CHST1: variants seen among roughly 807,000 people sequenced by gnomAD.
CHST1 encodes Keratan sulfotransferase.
In CHST1, 10 loss-of-function variants were observed where a neutral mutation model predicts 22.5. The observed-to-expected ratio is 0.44, with a 90% confidence interval of 0.27 to 0.75. The LOEUF (loss-of-function observed/expected upper bound fraction) is 0.75, where lower values mean the gene tolerates loss of function less well. Ranked by LOEUF, CHST1 falls within the 30% of genes least tolerant of loss-of-function variation. CHST1 has a pLI of 0.15. For missense variants in CHST1, 439 were observed against 576.1 expected (o/e 0.76, Z 2.44); for synonymous variants, 267 against 264.5 (o/e 1.01, Z -0.09).
In CHST1 at chr11:45,650,351, G is replaced by A. The variant is rs139471113; in HGVS notation, c.573C>T (p.Thr191=). The A allele has an allele frequency of 1.4e-4, 219 of 1,603,264 alleles. No individual in the cohort carries two copies. Among genetic ancestry groups the A allele is most frequent in the Non-Finnish European group, 1.7e-4 (203 of 1,179,726 alleles). The part of the protein sequence containing the change: ...CVRKCGLLNL[T]VAAEACRERS... Reference sequence around the variant, plus strand: ...GCTCGCGGCACGCCTCGGCCGCCACGGTCAGGTTGAGTAGCCCGCACTTGC... The same window carrying A: ...GCTCGCGGCACGCCTCGGCCGCCACAGTCAGGTTGAGTAGCCCGCACTTGC... The change falls in exon 4 of 4, where the codon ACC becomes ACT. Residue 191 remains threonine, a synonymous_variant. Coordinates refer to ENST00000308064, the MANE Select transcript of CHST1 (RefSeq NM_003654.6).
chr11:45,649,493 C>T lies in CHST1; in HGVS notation c.*195G>A. 1.7e-6 allele frequency: 1 copy of T among 603,860 alleles called. No homozygotes were observed. The highest frequency in any genetic ancestry group is 2.3e-5 in the South Asian group (1 of 42,904). The allele number at this position is 603,860 out of a possible 1,614,324, so 37.4% of individuals were successfully genotyped here. ...GACCCTACTTCAGGCGCCCTCTGCCCCAGTGATTCCCGTCCAAGACGTAGT... is the reference window on the plus strand; with the variant it reads ...GACCCTACTTCAGGCGCCCTCTGCCTCAGTGATTCCCGTCCAAGACGTAGT... On this transcript the variant is annotated 3_prime_UTR_variant, in exon 4 of 4. Transcript: ENST00000308064.
chr11:45,650,628 G>C lies in CHST1; in HGVS notation c.296C>G (p.Thr99Arg). The C allele has an allele frequency of 6.2e-7, 1 of 1,614,112 alleles. No individual in the cohort carries two copies. ...GCCCTGGGTGAAGCGGGGGATGAGCGTGTTCTGGACGTGGTAGAGGGGCTC... is the reference window on the plus strand; with the variant it reads ...GCCCTGGGTGAAGCGGGGGATGAGCCTGTTCTGGACGTGGTAGAGGGGCTC... Reference protein sequence around the residue: ...LFEPLYHVQNTLIPRFTQGKS... With the variant: ...LFEPLYHVQNRLIPRFTQGKS... The change falls in exon 4 of 4, where the codon ACG becomes AGG. Residue 99 changes from threonine (T) to arginine (R), a missense_variant. Thr to Arg is a moderately conservative substitution (Grantham distance 71). Transcript: ENST00000308064.
intron 3 of CHST1, chr11:45,651,296 C>T (rs937896773): frequency 5.6e-6 from 1 of 178,960 alleles, no homozygotes; most frequent in Non-Finnish European, 1.2e-5. Flanking sequence ...GAGGAAATGA[C>T]GAGGGCCTGC....
chr11:45,662,381 A>T (rs1334094332), intron 1 of CHST1, among the ~76,000 whole-genome samples: 2 of 152,070 alleles, frequency 1.3e-5, no homozygotes, highest in Non-Finnish European at 2.9e-5. Context: ...TCTGAACAAA[A>T]CCCAGGGCTG....
intron 1 of CHST1, among the ~76,000 whole-genome samples, chr11:45,654,461 TC>T (rs1852036219): frequency 6.6e-6 from 1 of 152,212 alleles, no homozygotes; most frequent in Admixed American, 6.5e-5. Flanking sequence ...CCTGGAAATG[TC>T]CCCGCTCTCC....
chr11:45,649,543 G>A lies in CHST1; in HGVS notation c.*145C>T, dbSNP rs1436309030. 1.4e-5 allele frequency: 12 copies of A among 858,672 alleles called. No homozygotes were observed. The highest frequency in any genetic ancestry group is 2.2e-5 in the Non-Finnish European group (12 of 557,960). The allele number at this position is 858,672 out of a possible 1,614,324, so 53.2% of individuals were successfully genotyped here. ...TGCAAATTTCAGAGACAAAAAAGGG[G>A]CAGAAGGGAGTGGGGTGAGCTGGGG... is the stretch of plus-strand genomic sequence containing the variant. On this transcript the variant is annotated 3_prime_UTR_variant, in exon 4 of 4. Transcript: ENST00000308064.
chr11:45,651,117 T>C, intron 3 of CHST1, 152 bp from the exon 4 acceptor site: 1 of 483,816 alleles, frequency 2.1e-6, no homozygotes, highest in Non-Finnish European at 3.5e-6. Flanking sequence ...GCTTCTACAC[T>C]AGACTACCGT....
chr11:45,664,858 G>A (rs571355289), intron 1 of CHST1, among the ~76,000 whole-genome samples: 51 of 152,308 alleles, frequency 3.3e-4, no homozygotes, highest in African/African-American at 1.1e-3. Flanking sequence ...CGGTGAGCCC[G>A]GAGCAGCCCC....
Position 45,650,645 on chromosome 11 carries a change from G to A in CHST1, c.279C>T (p.Leu93=). Residue 93 remains leucine (L), a synonymous_variant, in exon 4 of 4, where the codon CTC becomes CTT. Coordinates refer to ENST00000308064, the MANE Select transcript of CHST1 (RefSeq NM_003654.6). ...GGATGAGCGTGTTCTGGACGTGGTA[G>A]AGGGGCTCAAACAGGTAGAAGACGT... ...HLDVFYLFEP[L]YHVQNTLIPR... 2 of 1,614,174 alleles carry A rather than the reference G, an allele frequency of 1.2e-6. No individual in the cohort carries two copies. Among genetic ancestry groups the A allele is most frequent in the Non-Finnish European group, 1.7e-6 (2 of 1,180,008 alleles).
chr11:45,656,936 G>C (rs1373398503), intron 1 of CHST1, among the ~76,000 whole-genome samples: 2 of 152,170 alleles, frequency 1.3e-5, no homozygotes, highest in Admixed American at 1.3e-4. Flanking sequence ...TGAGCCCTGG[G>C]ATGGGGAAAT....
At chr11:45,655,275 A>C (rs898847021) in intron 1 of CHST1, among the ~76,000 whole-genome samples, 1 of 152,186 alleles carries the variant, frequency 6.6e-6, no homozygotes, top group African/African-American at 2.4e-5. Context: ...ATCATCACCA[A>C]ATGTCTGGTT....
intron 1 of CHST1, among the ~76,000 whole-genome samples, chr11:45,654,464 C>T (rs1852036248): frequency 6.6e-6 from 1 of 152,234 alleles, no homozygotes; most frequent in Non-Finnish European, 1.5e-5. Context: ...GGAAATGTCC[C>T]CGCTCTCCCA....
intron 1 of CHST1, among the ~76,000 whole-genome samples, chr11:45,654,078 C>T (rs1286822755): frequency 6.6e-6 from 1 of 152,186 alleles, no homozygotes; most frequent in Non-Finnish European, 1.5e-5. Context: ...GAAACAGAAT[C>T]CTTAAGGAGT....
intron 1 of CHST1, among the ~76,000 whole-genome samples, chr11:45,654,112 A>G (rs371855719): frequency 2.0e-5 from 3 of 152,204 alleles, no homozygotes; most frequent in African/African-American, 7.2e-5. Flanking sequence ...TGGGGTTCCA[A>G]TTCCAAAAGC....
intron 1 of CHST1, among the ~76,000 whole-genome samples, chr11:45,657,089 C>T (rs1852071878): frequency 1.3e-5 from 2 of 151,022 alleles, no homozygotes; most frequent in African/African-American, 5.0e-5. Context: ...GGTCCCAAGG[C>T]TCTGGGGTCC....
intron 1 of CHST1, among the ~76,000 whole-genome samples, chr11:45,654,561 G>T (rs1852037075): frequency 6.6e-6 from 1 of 152,222 alleles, no homozygotes; most frequent in African/African-American, 2.4e-5. Context: ...CTGGGGCCAG[G>T]TCCTGTTGTT....
chr11:45,649,586 A>T lies in CHST1; in HGVS notation c.*102T>A. 8.2e-7 allele frequency: 1 copy of T among 1,218,318 alleles called. No homozygotes were observed. The highest frequency in any genetic ancestry group is 1.1e-6 in the Non-Finnish European group (1 of 878,140). The allele number at this position is 1,218,318 out of a possible 1,614,324, so 75.5% of individuals were successfully genotyped here. On this transcript the variant is annotated 3_prime_UTR_variant, in exon 4 of 4. Transcript: ENST00000308064. ...AGCTGGGGGCAGGAAGGACACGAAGATGAGGTGGGAGAGGGAGGGGTTAAT... is the reference window on the plus strand; with the variant it reads ...AGCTGGGGGCAGGAAGGACACGAAGTTGAGGTGGGAGAGGGAGGGGTTAAT...
intron 1 of CHST1, among the ~76,000 whole-genome samples, chr11:45,664,401 G>C (rs1269947978): frequency 1.3e-5 from 2 of 152,210 alleles, no homozygotes; most frequent in Non-Finnish European, 2.9e-5. Context: ...TCCTGTGAAA[G>C]GGCAGGCCCG....
intron 1 of CHST1, among the ~76,000 whole-genome samples, chr11:45,664,634 G>C (rs1852174083): frequency 6.6e-6 from 1 of 152,248 alleles, no homozygotes; most frequent in South Asian, 2.1e-4. Context: ...CCGGCTTTCC[G>C]TGGTGGGCTC....
Sources: allele counts gnomAD v4.1 joint callset (sites outside exome capture counted in the v4.1 genomes callset), GRCh38; gene constraint gnomAD v4.1.1; transcripts MANE v1.5; gene names NCBI Gene and HGNC (gene_info 2026-07-23, HGNC 2026-07-21).